MLXIPL: variants seen among roughly 807,000 people sequenced by gnomAD.
MLXIPL encodes the protein MLX interacting protein like.
A neutral mutation model predicts 81.5 loss-of-function variants in MLXIPL; 49 were observed. The ratio of observed to expected loss-of-function variants is 0.60; its 90% CI spans 0.48 to 0.76. The LOEUF (loss-of-function observed/expected upper bound fraction) is 0.76, where lower values mean the gene tolerates loss of function less well. MLXIPL is among the 30% of genes least tolerant of loss of function. The pLI is 0.00. For missense variants in MLXIPL, 1,053 were observed against 1,167.0 expected, an observed-to-expected ratio of 0.90 and a Z score of 1.42; for synonymous variants, 466 against 485.5, an observed-to-expected ratio of 0.96 and a Z score of 0.53.
chr7:73,601,644 C>T (rs1374787809), intron 7 of MLXIPL, among the ~76,000 whole-genome samples: 10 of 152,164 alleles, frequency 6.6e-5, no homozygotes, highest in African/African-American at 2.2e-4. Context: ...GATTCTCATG[C>T]CTCGGCTTCC....
At chr7:73,631,533 AAG>A in the MLXIPL span, among the ~76,000 whole-genome samples, 1 of 147,130 alleles carries the variant, frequency 6.8e-6, no homozygotes, top group Admixed American at 6.9e-5. Context: ...AGGGCTCAAG[AAG>A]AGAGCTATGA....
chr7:73,595,730 C>T lies in MLXIPL; in HGVS notation c.2217G>A (p.Gly739=), dbSNP rs782212158. 1.2e-6 allele frequency: 2 copies of T among 1,611,492 alleles called. 1 individual carries two copies. Among genetic ancestry groups the T allele is most frequent in the South Asian group, 2.2e-5 (2 of 90,836 alleles). The stretch of plus-strand genomic sequence containing the variant: ...CAAAACGCTGGTGTGTGATGGGTAC[C>T]CCTGTGGCGGGCAGCTGCTGCTGGC... ...NLCQQQLPAT[G]VPITHQRFDQ... Residue 739 remains glycine, a synonymous_variant, in exon 15 of 17, where the codon GGG becomes GGA. Transcript: ENST00000313375.
rs1351099207 is a variant in MLXIPL, at chr7:73,593,877, G to T, written c.2547C>A (p.Gly849=). 6.2e-7 allele frequency: 1 copy of T among 1,613,910 alleles called. No homozygotes were observed. Among genetic ancestry groups the T allele is most frequent in the Non-Finnish European group, 8.5e-7 (1 of 1,179,926 alleles). ...GGTCTGGCCAGGACTATAAAGGTTT[G>T]CCAAGGGTGCCCTCTGTGACTGCCC... ...ATRAVTEGTL[G]KPL The change falls in exon 17 of 17, where the codon GGC becomes GGA. Residue 849 remains glycine, a synonymous_variant. Transcript: ENST00000313375.
chr7:73,627,396 G>C (rs528852331), upstream of MLXIPL, among the ~76,000 whole-genome samples: 1 of 152,034 alleles, frequency 6.6e-6, no homozygotes, highest in Non-Finnish European at 1.5e-5. Context: ...TTACAGGCGT[G>C]TAACACCATG....
Position 73,616,132 on chromosome 7 carries a change from C to G in MLXIPL, c.339G>C (p.Lys113Asn). 2 of 1,614,104 alleles carry G rather than the reference C, an allele frequency of 1.2e-6. No individual in the cohort carries two copies. Among genetic ancestry groups the G allele is most frequent in the Non-Finnish European group, 1.7e-6 (2 of 1,180,026 alleles). ...GGCGGATCTTGTCTCTGCAGAGCAG[C>G]TTGAGGCCTTTGAAATTCTTCCACT... The part of the protein sequence containing the change: ...SPKWKNFKGL[K>N]LLCRDKIRLN... Residue 113 changes from lysine (K) to asparagine (N), a missense_variant, in exon 2 of 17, where the codon AAG becomes AAC. Physicochemically the swap from Lys to Asn is moderately conservative, Grantham distance 94. Transcript: ENST00000313375.
the MLXIPL span, among the ~76,000 whole-genome samples, chr7:73,643,609 C>T: frequency 6.6e-6 from 1 of 151,978 alleles, no homozygotes; most frequent in Non-Finnish European, 1.5e-5. Flanking sequence ...TGTCTGATGG[C>T]AGAGCCCAAG....
At chr7:73,631,558 CT>C in the MLXIPL span, among the ~76,000 whole-genome samples, 1,548 of 69,568 alleles carry the variant, frequency 0.022, 11 homozygotes, top group Non-Finnish European at 0.036. Context: ...GATGTTGCTA[CT>C]TTTTTTTTTT....
In MLXIPL at chr7:73,594,443, C is replaced by A. The variant is rs782510574; in HGVS notation, c.2311-40G>T. The A allele has an allele frequency of 3.3e-5, 52 of 1,598,540 alleles. 1 individual carries two copies. The Middle Eastern group carries it at 4.1e-3, about 126-fold the overall frequency. On this transcript the variant is annotated intron_variant, in intron 15 of 16. Transcript: ENST00000313375. Reference sequence around the variant, plus strand: ...AGGAGCTGCCTGTGGTCCAGCTGGTCCCCCCACACCACGTGGAGCCCTGAT... The same window carrying A: ...AGGAGCTGCCTGTGGTCCAGCTGGTACCCCCACACCACGTGGAGCCCTGAT...
At chr7:73,631,481 G>A in the MLXIPL span, among the ~76,000 whole-genome samples, 1 of 150,720 alleles carries the variant, frequency 6.6e-6, no homozygotes. Context: ...CTCATCTATG[G>A]TGTTAGGAGT....
intron 7 of MLXIPL, 93 bp downstream of exon 7, chr7:73,605,595 A>C: frequency 8.8e-7 from 1 of 1,132,570 alleles, no homozygotes; most frequent in Non-Finnish European, 1.3e-6. Flanking sequence ...GACCCAGACT[A>C]TCAGCCCTCC....
At chr7:73,631,559 T>A in the MLXIPL span, among the ~76,000 whole-genome samples, 2 of 84,432 alleles carry the variant, frequency 2.4e-5, no homozygotes, top group Admixed American at 2.2e-4. Context: ...ATGTTGCTAC[T>A]TTTTTTTTTT....
upstream of MLXIPL, among the ~76,000 whole-genome samples, chr7:73,625,045 A>G (rs1190025916): frequency 6.6e-6 from 1 of 152,110 alleles, no homozygotes; most frequent in Non-Finnish European, 1.5e-5. Context: ...TTATCCAGGC[A>G]TGGTGGCGTG....
intron 2 of MLXIPL, 53 bp downstream of exon 2, chr7:73,616,018 G>C: frequency 6.8e-7 from 1 of 1,471,316 alleles, no homozygotes. Flanking sequence ...TCTGGCAGGA[G>C]GGTTGGAGGG....
rs535794251 is a variant in MLXIPL, at chr7:73,605,237, A to G, written c.901+451T>C. Among the ~76,000 whole-genome samples the G allele has an allele frequency of 2.0e-5, 3 of 152,236 alleles. No individual in the cohort carries two copies. In the East Asian group the frequency reaches 5.8e-4, roughly 29 times the overall value. ...CCATTGGAGGCCACACCAGCTGGAC[A>G]AAAGGAGACCAGGAAGAACCCTCAG... On this transcript the variant is annotated intron_variant, in intron 7 of 16. Coordinates refer to ENST00000313375, the MANE Select transcript of MLXIPL (RefSeq NM_032951.3).
At chr7:73,607,069 C>T in intron 4 of MLXIPL, 51 bp from the exon 5 acceptor site, 1 of 1,597,680 alleles carries the variant, frequency 6.3e-7, no homozygotes, top group Non-Finnish European at 8.5e-7. Flanking sequence ...CATCCTCCAT[C>T]ACTTTCCCCC....
the MLXIPL span, among the ~76,000 whole-genome samples, chr7:73,645,683 A>G: frequency 6.6e-6 from 1 of 152,266 alleles, no homozygotes; most frequent in East Asian, 1.9e-4. Flanking sequence ...AGGCGAGCCC[A>G]TTTAACCCCA....
chr7:73,593,658 C>T lies in MLXIPL; in HGVS notation c.*207G>A. 3.5e-6 allele frequency: 2 copies of T among 569,042 alleles called. No homozygotes were observed. 35.2% of individuals were successfully genotyped at this position (569,042 alleles called of 1,614,324 possible). On this transcript the variant is annotated 3_prime_UTR_variant, in exon 17 of 17. Transcript: ENST00000313375. ...GTCACCCAAGGTCACGGTGCTGGAG[C>T]ACAGTGGCAGAGCAGGGACGGGGAC...
chr7:73,613,896 G>A (rs1554600256), intron 2 of MLXIPL, among the ~76,000 whole-genome samples: 2 of 152,180 alleles, frequency 1.3e-5, no homozygotes, highest in Non-Finnish European at 2.9e-5. Flanking sequence ...CAGCTCTTTG[G>A]GAGGCTGAGG....
At chr7:73,598,813 A>C (rs1794556242) in intron 8 of MLXIPL, among the ~76,000 whole-genome samples, 1 of 152,016 alleles carries the variant, frequency 6.6e-6, no homozygotes, top group African/African-American at 2.4e-5. Flanking sequence ...AAGCAGCAGG[A>C]AGCAACTTCT....
Sources: allele counts gnomAD v4.1 joint callset (sites outside exome capture counted in the v4.1 genomes callset), GRCh38; gene constraint gnomAD v4.1.1; transcripts MANE v1.5; gene names NCBI Gene and HGNC (gene_info 2026-07-23, HGNC 2026-07-21).